The following GLRA1 variants were observed in gnomAD, a reference collection of about 807,000 sequenced individuals.
GLRA1 encodes the protein glycine receptor subunit alpha-1.
In GLRA1, 37 loss-of-function variants were observed where a neutral mutation model predicts 48.3. The observed-to-expected ratio is 0.77, with a 90% CI of 0.59 to 1.01. The LOEUF is 1.01. Among genes scored for constraint, GLRA1 ranks in the 50% least tolerant of loss-of-function variants. The pLI is 0.00. For synonymous variants in GLRA1, 196 were observed against 210.7 expected, an observed-to-expected ratio of 0.93 and a Z score of 0.60; for missense variants, 427 against 571.0, an observed-to-expected ratio of 0.75 and a Z score of 2.57.
intron 2 of GLRA1, among the ~76,000 whole-genome samples, chr5:151,888,210 G>A (rs112116187): frequency 0.011 from 1,701 of 151,920 alleles, 12 homozygotes; most frequent in Non-Finnish European, 0.017. Context: ...ATTGCATTCT[G>A]TCCCTCTTGA....
intron 1 of GLRA1, among the ~76,000 whole-genome samples, chr5:151,898,409 A>G (rs914384748): frequency 2.0e-5 from 3 of 152,168 alleles, no homozygotes; most frequent in African/African-American, 7.2e-5. Flanking sequence ...TGCAACATCA[A>G]TTGAAATAGG....
chr5:151,886,783 G>A lies in GLRA1; in HGVS notation c.190C>T (p.Pro64Ser). The A allele has an allele frequency of 6.2e-7, 1 of 1,612,004 alleles. No individual in the cohort carries two copies. Among genetic ancestry groups the A allele is most frequent in the Non-Finnish European group, 8.5e-7 (1 of 1,178,040 alleles). The change falls in exon 3 of 9, where the codon CCA (proline) becomes TCA (serine). Residue 64 changes from proline (P) to serine (S), a missense_variant. By Grantham distance (74) the Pro-to-Ser change is moderately conservative (BLOSUM62 -1). This residue lies in a region of GLRA1 where 271 missense variants were observed against 434.9 expected (regional missense o/e 0.62). Coordinates refer to ENST00000274576, the MANE Select transcript of GLRA1 (RefSeq NM_000171.4). ...ARIRPNFKGP[P>S]VNVSCNIFIN... The stretch of plus-strand genomic sequence containing the variant: ...AAAATGTTGCAGCTCACGTTCACTG[G>A]GGGACCTGCCAATCAAGAGAGATTC...
At chr5:151,852,782 G>A (rs1209163560) in intron 6 of GLRA1, among the ~76,000 whole-genome samples, 1 of 152,232 alleles carries the variant, frequency 6.6e-6, no homozygotes, top group Non-Finnish European at 1.5e-5. Context: ...GAACATGGGA[G>A]TGCAGATATG....
intron 1 of GLRA1, among the ~76,000 whole-genome samples, chr5:151,922,610 G>C (rs935226894): frequency 6.6e-6 from 1 of 152,230 alleles, no homozygotes; most frequent in African/African-American, 2.4e-5. Context: ...TCATGTGTGC[G>C]TTCACGCACG....
chr5:151,899,154 C>A (rs1439874974), intron 1 of GLRA1, among the ~76,000 whole-genome samples: 2 of 152,098 alleles, frequency 1.3e-5, no homozygotes, highest in Non-Finnish European at 2.9e-5. Flanking sequence ...ATTTGACTGG[C>A]CTTTGCCCTC....
At chr5:151,849,710 G>A (rs1020391449) in intron 7 of GLRA1, 43 of 275,934 alleles carry the variant, frequency 1.6e-4, no homozygotes, top group Non-Finnish European at 2.8e-4. Context: ...GTGTGACTAC[G>A]CCCAGCTAAT....
intron 7 of GLRA1, among the ~76,000 whole-genome samples, chr5:151,848,522 A>C (rs1370886102): frequency 1.3e-5 from 2 of 152,122 alleles, no homozygotes; most frequent in Non-Finnish European, 2.9e-5. Flanking sequence ...GCGGGCCACC[A>C]TGCCTGACTA....
intron 8 of GLRA1, among the ~76,000 whole-genome samples, chr5:151,824,449 G>C (rs920338268): frequency 1.3e-5 from 2 of 152,142 alleles, no homozygotes; most frequent in African/African-American, 4.8e-5. Flanking sequence ...CAAGGCCTTA[G>C]AACCTGGACC....
At chr5:151,868,414 T>C (rs2113374072) in intron 3 of GLRA1, among the ~76,000 whole-genome samples, 1 of 152,324 alleles carries the variant, frequency 6.6e-6, no homozygotes, top group South Asian at 2.1e-4. Context: ...ATCTTCACAA[T>C]AACCCTGTGA....
chr5:151,822,938 A>G lies in GLRA1; in HGVS notation c.1085T>C (p.Phe362Ser). 1 of 1,609,708 alleles carries G rather than the reference A, an allele frequency of 6.2e-7. No individual in the cohort carries two copies. Among genetic ancestry groups the G allele is most frequent in the Non-Finnish European group, 8.5e-7 (1 of 1,176,858 alleles). ...HKEDEAGEGR[F>S]NFSAYGMGPA... ...GCCCATCCCATAGGCAGAGAAGTTA[A>G]AGCGGCCTTCTCCAGCTTCATCCTC... Residue 362 changes from phenylalanine (F) to serine (S), a missense_variant, in exon 9 of 9, where the codon TTT (phenylalanine) becomes TCT (serine). Phe to Ser is a radical substitution (Grantham distance 155). This residue lies in a region of GLRA1 where 31 missense variants were observed against 21.9 expected (regional missense o/e 1.41). Coordinates refer to ENST00000274576, the MANE Select transcript of GLRA1 (RefSeq NM_000171.4).
intron 8 of GLRA1, among the ~76,000 whole-genome samples, chr5:151,826,406 C>T (rs975461427): frequency 2.6e-5 from 4 of 152,222 alleles, no homozygotes; most frequent in African/African-American, 9.6e-5. Flanking sequence ...CTAATAAATG[C>T]AGGACAATTT....
intron 3 of GLRA1, among the ~76,000 whole-genome samples, chr5:151,863,637 C>T (rs984154957): frequency 2.0e-5 from 3 of 152,118 alleles, no homozygotes; most frequent in African/African-American, 7.2e-5. Flanking sequence ...TAAATGCTTT[C>T]CTCCAAGGAA....
intron 1 of GLRA1, among the ~76,000 whole-genome samples, chr5:151,917,295 C>G (rs1754763062): frequency 1.3e-5 from 2 of 152,200 alleles, no homozygotes; most frequent in African/African-American, 4.8e-5. Flanking sequence ...AGCAGATCCT[C>G]AGGTGATCCT....
At chr5:151,856,227 TG>T (rs1753037863) in intron 5 of GLRA1, 73 bp downstream of exon 5, 1 of 936,422 alleles carries the variant, frequency 1.1e-6, no homozygotes, top group African/African-American at 1.6e-5. Flanking sequence ...GGAGCAGCTG[TG>T]TGGGAATTTC....
Position 151,833,253 on chromosome 5 carries a change from A to T in GLRA1, c.913-4186T>A, listed in dbSNP as rs139462715. On this transcript the variant is annotated intron_variant, in intron 7 of 8. Coordinates refer to ENST00000274576, the MANE Select transcript of GLRA1 (RefSeq NM_000171.4). ...GAAACCACATCAACTAATGGGCAAA[A>T]TAACCAGCTAGCATCATAATGATAG... 5.6e-3 allele frequency among the ~76,000 whole-genome samples: 853 copies of T among 152,294 alleles called. 12 individuals carry two copies. The highest frequency in any genetic ancestry group is 0.02 in the African/African-American group (824 of 41,560).
At chr5:151,917,865 T>C (rs1407689787) in intron 1 of GLRA1, among the ~76,000 whole-genome samples, 1 of 152,178 alleles carries the variant, frequency 6.6e-6, no homozygotes, top group African/African-American at 2.4e-5. Flanking sequence ...AGAGGCTTGT[T>C]CTCCATGTGC....
At chr5:151,908,081 T>C (rs1561580593) in intron 1 of GLRA1, among the ~76,000 whole-genome samples, 1 of 152,118 alleles carries the variant, frequency 6.6e-6, no homozygotes, top group African/African-American at 2.4e-5. Flanking sequence ...GAGGGCTCTC[T>C]CAGCAGCCTT....
At chr5:151,886,574 C>A in intron 3 of GLRA1, 147 bp downstream of exon 3, 1 of 699,598 alleles carries the variant, frequency 1.4e-6, no homozygotes. Flanking sequence ...ACAGTAAAGA[C>A]ATCCGAGCCT....
chr5:151,863,643 A>T (rs1403009062), intron 3 of GLRA1, among the ~76,000 whole-genome samples: 1 of 152,136 alleles, frequency 6.6e-6, no homozygotes, highest in Non-Finnish European at 1.5e-5. Flanking sequence ...CTTTCCTCCA[A>T]GGAATAATCT....
Sources: allele counts gnomAD v4.1 joint callset (sites outside exome capture counted in the v4.1 genomes callset), GRCh38; gene constraint gnomAD v4.1.1; regional missense constraint gnomAD v4.1.1; transcripts MANE v1.5; gene names NCBI Gene and HGNC (gene_info 2026-07-23, HGNC 2026-07-21).